The following MGST3 variants were observed in gnomAD, a reference collection of about 807,000 sequenced individuals.
The protein encoded by MGST3 is glutathione S-transferase 3, mitochondrial.
Under a neutral mutation model 15.8 loss-of-function variants are expected in MGST3, and 13 were observed. That is an observed-to-expected ratio of 0.82 (90% CI 0.54 to 1.31). The LOEUF (loss-of-function observed/expected upper bound fraction) is 1.31, where lower values mean the gene tolerates loss of function less well. Among genes scored for constraint, MGST3 ranks in the 50% most tolerant of loss-of-function variants. The pLI is 0.00. For synonymous variants in MGST3, 49 were observed against 68.1 expected, an observed-to-expected ratio of 0.72 and a Z score of 1.38; for missense variants, 155 against 192.4, an observed-to-expected ratio of 0.81 and a Z score of 1.15.
chr1:165,638,789 C>A, intron 1 of MGST3, among the ~76,000 whole-genome samples: 1 of 101,932 alleles, frequency 9.8e-6, no homozygotes. Context: ...AGAGAGACTC[C>A]GTCTTAAAAA....
At chr1:165,640,359 T>C (rs1380448317) in intron 1 of MGST3, among the ~76,000 whole-genome samples, 1 of 152,088 alleles carries the variant, frequency 6.6e-6, no homozygotes, top group African/African-American at 2.4e-5. Flanking sequence ...AGCCCCATTC[T>C]GTTTTCAGGG....
chr1:165,650,126 A>G (rs1195965739), intron 2 of MGST3, 162 bp downstream of exon 2: 2 of 1,030,956 alleles, frequency 1.9e-6, no homozygotes, highest in South Asian at 2.9e-5. Context: ...GGTAGGAAAG[A>G]GGCAAGAAAT....
At chr1:165,651,287 T>C (rs1045550389) in intron 3 of MGST3, 200 bp downstream of exon 3, 9 of 607,712 alleles carry the variant, frequency 1.5e-5, no homozygotes, top group Admixed American at 2.6e-5. Context: ...AATGGTGGGA[T>C]TTCGGGATAT....
intron 1 of MGST3, among the ~76,000 whole-genome samples, chr1:165,637,967 C>A (rs908713320): frequency 6.6e-6 from 1 of 152,146 alleles, no homozygotes; most frequent in Non-Finnish European, 1.5e-5. Context: ...CAGAGCCCTG[C>A]TGCTTACCAG....
intron 1 of MGST3, chr1:165,645,752 T>A (rs1269984818): frequency 6.6e-6 from 1 of 152,332 alleles, no homozygotes; most frequent in East Asian, 1.9e-4. Flanking sequence ...ATTACAGTCT[T>A]ATGGGGCCAT....
chr1:165,650,304 G>A (rs1299158196), intron 2 of MGST3: 1 of 342,046 alleles, frequency 2.9e-6, no homozygotes, highest in African/African-American at 2.1e-5. Context: ...GTTTCATGGT[G>A]TGCCACTTTA....
chr1:165,632,358 CTT>C, intron 1 of MGST3: 2 of 1,457,936 alleles, frequency 1.4e-6, no homozygotes, highest in Admixed American at 3.4e-5. Context: ...CAGCGCTTCT[CTT>C]GGGAAATCTG....
Position 165,639,422 on chromosome 1 carries a change from G to T in MGST3, c.-8+8129G>T, listed in dbSNP as rs1981167. ...CTCCATTTCCTCATCCATAGAATGG[G>T]GATAATAATAGTAACTATCATATGG... On this transcript the variant is annotated intron_variant, in intron 1 of 5. Transcript: ENST00000367889. Among the ~76,000 whole-genome samples the T allele has an allele frequency of 9.8e-3, 1,498 of 152,238 alleles. 51 individuals are homozygous for T. The highest frequency in any genetic ancestry group is 0.059 in the Admixed American group (904 of 15,284).
rs140788563 is a variant in MGST3 at position 165,651,976 on chromosome 1, A to T, written c.192-2A>T. 8.7e-6 allele frequency: 14 copies of T among 1,611,464 alleles called. No individual in the cohort carries two copies. The highest frequency in any genetic ancestry group is 1.2e-5 in the Non-Finnish European group (14 of 1,178,438). On this transcript the variant is annotated splice_acceptor_variant, in intron 3 of 5. Transcript: ENST00000367889. LOFTEE classifies it high-confidence loss of function. ...TTAAAAGTTTCTTTCTGTCAATTCC[A>T]GGTTGGAAGTGTATCCTCCCTTCTT...
intron 1 of MGST3, chr1:165,632,344 G>A: frequency 6.5e-7 from 1 of 1,526,742 alleles, no homozygotes; most frequent in Non-Finnish European, 9.1e-7. Flanking sequence ...GTGGGTAGGA[G>A]CTGCAGCGCT....
At chr1:165,640,583 C>T (rs546359790) in intron 1 of MGST3, among the ~76,000 whole-genome samples, 21 of 152,224 alleles carry the variant, frequency 1.4e-4, no homozygotes, top group African/African-American at 5.1e-4. Flanking sequence ...TCAGGCCCCA[C>T]CTAACATGAC....
At chr1:165,649,267 A>G (rs1185291738) in intron 1 of MGST3, 1 of 157,258 alleles carries the variant, frequency 6.4e-6, no homozygotes, top group Non-Finnish European at 1.4e-5. Context: ...AGTGTCCCCC[A>G]TGTCTGAAGG....
intron 2 of MGST3, 78 bp downstream of exon 2, chr1:165,650,042 A>C (rs1284972880): frequency 6.3e-7 from 1 of 1,599,292 alleles, no homozygotes; most frequent in African/African-American, 1.3e-5. Flanking sequence ...ATTTTCAGCC[A>C]TGGAGGGAGA....
intron 1 of MGST3, among the ~76,000 whole-genome samples, chr1:165,631,802 CG>C (rs1268260031): frequency 6.6e-6 from 1 of 152,156 alleles, no homozygotes; most frequent in Non-Finnish European, 1.5e-5. Context: ...TAGGGACGGT[CG>C]GGAGAGCCTC....
intron 1 of MGST3, among the ~76,000 whole-genome samples, chr1:165,645,223 T>C (rs192801338): frequency 2.0e-5 from 3 of 152,370 alleles, no homozygotes; most frequent in Admixed American, 2.0e-4. Context: ...ATTTTTTCTA[T>C]TTTTAAAACT....
At chr1:165,635,073 C>T (rs1648071142) in intron 1 of MGST3, among the ~76,000 whole-genome samples, 1 of 151,926 alleles carries the variant, frequency 6.6e-6, no homozygotes, top group African/African-American at 2.4e-5. Flanking sequence ...TATCCCATGG[C>T]TTCTCACCAT....
intron 1 of MGST3, among the ~76,000 whole-genome samples, chr1:165,637,380 G>A (rs1023450510): frequency 6.6e-6 from 1 of 152,200 alleles, no homozygotes; most frequent in African/African-American, 2.4e-5. Flanking sequence ...ATAAAAGGTA[G>A]TGTCACTTCA....
intron 1 of MGST3, among the ~76,000 whole-genome samples, chr1:165,638,669 G>T (rs1648179700): frequency 6.6e-6 from 1 of 152,118 alleles, no homozygotes; most frequent in Non-Finnish European, 1.5e-5. Context: ...TGTAATCTCA[G>T]CTACTTAGGA....
intron 4 of MGST3, among the ~76,000 whole-genome samples, chr1:165,653,275 T>C (rs367707367): frequency 4.6e-5 from 7 of 152,162 alleles, no homozygotes; most frequent in Non-Finnish European, 7.3e-5. Flanking sequence ...CCCATTCCTA[T>C]CACACATCCC....
Sources: allele counts gnomAD v4.1 joint callset (sites outside exome capture counted in the v4.1 genomes callset), GRCh38; gene constraint gnomAD v4.1.1; transcripts MANE v1.5; gene names NCBI Gene and HGNC (gene_info 2026-07-23, HGNC 2026-07-21).